CRYBG1: variants seen among roughly 807,000 people sequenced by gnomAD.
CRYBG1 encodes the protein crystallin beta-gamma domain containing 1, also known as beta/gamma crystallin domain-containing protein 1.
In CRYBG1, 139 loss-of-function variants were observed where a neutral mutation model predicts 189.2. The ratio of observed to expected loss-of-function variants is 0.73; its 90% confidence interval spans 0.64 to 0.85. The LOEUF (loss-of-function observed/expected upper bound fraction) is 0.85, where lower values mean the gene tolerates loss of function less well. Ranked by LOEUF, CRYBG1 falls within the 40% of genes least tolerant of loss-of-function variation. The pLI, the probability that CRYBG1 is intolerant of heterozygous loss-of-function variation, is 0.00. For synonymous variants in CRYBG1, 1,023 were observed against 1,017.1 expected, an observed-to-expected ratio of 1.01 and a Z score of -0.11; for missense variants, 2,611 against 2,675.8, an observed-to-expected ratio of 0.98 and a Z score of 0.53.
intron 3 of CRYBG1, among the ~76,000 whole-genome samples, chr6:106,514,745 A>T (rs1773380269): frequency 6.6e-6 from 1 of 152,272 alleles, no homozygotes. Context: ...AACAGGAAAG[A>T]TGATCTTATA....
chr6:106,507,869 C>T (rs1175922036), intron 2 of CRYBG1, among the ~76,000 whole-genome samples: 3 of 152,196 alleles, frequency 2.0e-5, no homozygotes, highest in Non-Finnish European at 4.4e-5. Context: ...TGGATATCCA[C>T]AGGGACCTGG....
chr6:106,441,244 G>A (rs890455552), intron 1 of CRYBG1, among the ~76,000 whole-genome samples: 3 of 152,170 alleles, frequency 2.0e-5, no homozygotes, highest in Non-Finnish European at 4.4e-5. Flanking sequence ...GGAGAAGGAG[G>A]TTAGAGTGGT....
chr6:106,567,517 A>C (rs1321904678), intron 21 of CRYBG1, among the ~76,000 whole-genome samples: 1 of 152,194 alleles, frequency 6.6e-6, no homozygotes, highest in Non-Finnish European at 1.5e-5. Flanking sequence ...AAGAATGTTT[A>C]TTTCTTCTTG....
At chr6:106,518,915 C>T (rs1240847152) in intron 3 of CRYBG1, among the ~76,000 whole-genome samples, 2 of 152,018 alleles carry the variant, frequency 1.3e-5, no homozygotes, top group Non-Finnish European at 2.9e-5. Context: ...TCTATGATCA[C>T]ACTGCTGTAC....
At position 106,498,006 on chromosome 6, in the gene CRYBG1, C is replaced by T. The variant is rs190527636; in HGVS notation, c.313-13424C>T. ...GTCCCAGCTGCTTAGGAGGCTGAGG[C>T]ATGAGAATCGCTTGAACCCAGGAGG... On this transcript the variant is annotated intron_variant, in intron 2 of 21. Transcript: ENST00000633556. Among the ~76,000 whole-genome samples the T allele has an allele frequency of 3.3e-5, 5 of 151,460 alleles. No individual in the cohort carries two copies. The East Asian group carries it at 9.7e-4, about 29-fold the overall frequency.
intron 2 of CRYBG1, among the ~76,000 whole-genome samples, chr6:106,502,874 C>T (rs1440443391): frequency 6.6e-6 from 1 of 152,224 alleles, no homozygotes; most frequent in Non-Finnish European, 1.5e-5. Context: ...TTCCAAGGCC[C>T]TCTCCTTAAA....
chr6:106,544,844 T>C lies in CRYBG1; in HGVS notation c.5223T>C (p.Gly1741=), dbSNP rs1774227827. The C allele has an allele frequency of 6.2e-7, 1 of 1,613,260 alleles. No homozygotes were observed. The highest frequency in any genetic ancestry group is 8.5e-7 in the Non-Finnish European group (1 of 1,179,758). Residue 1741 remains glycine (G), a synonymous_variant, in exon 13 of 22, where the codon GGT becomes GGC. Coordinates refer to ENST00000633556, the MANE Select transcript of CRYBG1 (RefSeq NM_001371242.2). Reference sequence around the variant, plus strand: ...GTGAAAAAAACTTTGGATCCAAAGGTTCCAGTATTGATGTATTGGGAATTG... The same window carrying C: ...GTGAAAAAAACTTTGGATCCAAAGGCTCCAGTATTGATGTATTGGGAATTG... ...MYSEKNFGSK[G]SSIDVLGIVA...
Position 106,426,910 on chromosome 6 carries a change from G to A in CRYBG1, c.174-24784G>A, listed in dbSNP as rs551753975. Among the ~76,000 whole-genome samples the A allele has an allele frequency of 1.1e-4, 16 of 152,308 alleles. No individual in the cohort carries two copies. The South Asian group carries it at 2.9e-3, about 28-fold the overall frequency. On this transcript the variant is annotated intron_variant, in intron 1 of 21. Transcript: ENST00000633556. ...ATTTACTTCCATGCTGCCAAATTCAGTAATTAATTCTTAGACCTCATTTTA... is the reference window on the plus strand; with the variant it reads ...ATTTACTTCCATGCTGCCAAATTCAATAATTAATTCTTAGACCTCATTTTA...
chr6:106,546,515 C>T (rs1336645395), intron 13 of CRYBG1, among the ~76,000 whole-genome samples: 1 of 152,136 alleles, frequency 6.6e-6, no homozygotes, highest in Non-Finnish European at 1.5e-5. Context: ...GATGAACATG[C>T]TTAACTTTTA....
chr6:106,376,488 T>C (rs1246881840), intron 1 of CRYBG1, among the ~76,000 whole-genome samples: 1 of 152,144 alleles, frequency 6.6e-6, no homozygotes, highest in Non-Finnish European at 1.5e-5. Flanking sequence ...GTGGGAAGCT[T>C]TGGAGGAGAG....
intron 1 of CRYBG1, among the ~76,000 whole-genome samples, chr6:106,429,096 T>G (rs1349411460): frequency 6.7e-6 from 1 of 150,170 alleles, no homozygotes; most frequent in Non-Finnish European, 1.5e-5. Flanking sequence ...GCTGGCAGAG[T>G]TGATGACCTG....
chr6:106,510,250 C>A (rs1180780478), intron 2 of CRYBG1, among the ~76,000 whole-genome samples: 1 of 152,218 alleles, frequency 6.6e-6, no homozygotes, highest in Non-Finnish European at 1.5e-5. Context: ...CTCCTAGGAG[C>A]CAGGCTGGGC....
intron 1 of CRYBG1, among the ~76,000 whole-genome samples, chr6:106,400,964 C>T (rs908700256): frequency 3.9e-5 from 6 of 152,118 alleles, no homozygotes; most frequent in Admixed American, 1.3e-4. Context: ...TTTGGGGAGC[C>T]GTCTTTCTTG....
chr6:106,541,557 T>C (rs757894555), intron 9 of CRYBG1, 29 bp from the exon 10 acceptor site: 2 of 1,606,770 alleles, frequency 1.2e-6, no homozygotes, highest in East Asian at 4.5e-5. Context: ...AGTGAAAAAC[T>C]ATTTTTCTTA....
intron 2 of CRYBG1, among the ~76,000 whole-genome samples, chr6:106,457,918 G>A (rs1402322912): frequency 6.6e-6 from 1 of 152,182 alleles, no homozygotes; most frequent in South Asian, 2.1e-4. Flanking sequence ...TGCAAAACGG[G>A]GGAATAGTGT....
rs1047051014 is a variant in CRYBG1, at chr6:106,428,323, ACT to A, written c.174-23370_174-23369del. Among the ~76,000 whole-genome samples the A allele has an allele frequency of 7.0e-4, 107 of 152,238 alleles. 1 individual carries two copies. Among genetic ancestry groups the A allele is most frequent in the African/African-American group, 2.6e-3 (106 of 41,552 alleles). ...AAAATTAACTATCTCCACTCTTCTC[ACT>A]TTTTTATGTCTTATGTAAACAACCA... On this transcript the variant is annotated intron_variant, in intron 1 of 21. Coordinates refer to ENST00000633556, the MANE Select transcript of CRYBG1 (RefSeq NM_001371242.2).
intron 18 of CRYBG1, 58 bp downstream of exon 18, chr6:106,558,683 C>T (rs757654166): frequency 5.3e-5 from 78 of 1,474,448 alleles, no homozygotes; most frequent in Non-Finnish European, 7.0e-5. Flanking sequence ...CAAGTTTGGG[C>T]TGGGCACAGT....
At chr6:106,525,469 T>A in intron 6 of CRYBG1, 83 bp downstream of exon 6, 1 of 1,049,272 alleles carries the variant, frequency 9.5e-7, no homozygotes, top group Non-Finnish European at 1.5e-6. Context: ...ACTACTAGTT[T>A]AAAATTATGG....
intron 2 of CRYBG1, among the ~76,000 whole-genome samples, chr6:106,506,066 T>C (rs1280618824): frequency 3.3e-5 from 5 of 152,252 alleles, no homozygotes; most frequent in African/African-American, 1.2e-4. Context: ...TGTGCACCGG[T>C]AGCTCCATCA....
Sources: allele counts gnomAD v4.1 joint callset (sites outside exome capture counted in the v4.1 genomes callset), GRCh38; gene constraint gnomAD v4.1.1; transcripts MANE v1.5; gene names NCBI Gene and HGNC (gene_info 2026-07-23, HGNC 2026-07-21).